The following TMEFF1 variants were observed in gnomAD, a reference collection of about 807,000 sequenced individuals.
TMEFF1 encodes tomoregulin-1.
TMEFF1 carries 20 observed loss-of-function variants against 47.5 expected under a neutral mutation model. The ratio of observed to expected loss-of-function variants is 0.42; its 90% CI spans 0.30 to 0.61. The LOEUF is 0.61. TMEFF1 is among the 20% of genes least tolerant of loss of function. TMEFF1 has a pLI of 0.19. For synonymous variants in TMEFF1, 162 were observed against 166.3 expected (o/e 0.97, Z 0.20); for missense variants, 411 against 471.1 (o/e 0.87, Z 1.18).
chr9:100,532,783 G>T (rs1425975902), intron 5 of TMEFF1, among the ~76,000 whole-genome samples: 2 of 152,022 alleles, frequency 1.3e-5, no homozygotes, highest in African/African-American at 4.8e-5. Flanking sequence ...AAAGACACAT[G>T]CACACGTATG....
At chr9:100,490,731 C>A in intron 1 of TMEFF1, among the ~76,000 whole-genome samples, 1 of 149,812 alleles carries the variant, frequency 6.7e-6, no homozygotes. Flanking sequence ...AAATAATAAC[C>A]AATATAGAAA....
intron 5 of TMEFF1, among the ~76,000 whole-genome samples, chr9:100,545,198 C>T (rs1838709194): frequency 6.6e-6 from 1 of 152,230 alleles, no homozygotes; most frequent in South Asian, 2.1e-4. Context: ...CCACATTTCC[C>T]TTCCACGCTG....
intron 1 of TMEFF1, among the ~76,000 whole-genome samples, chr9:100,492,457 G>T (rs746367252): frequency 6.6e-6 from 1 of 152,186 alleles, no homozygotes; most frequent in Non-Finnish European, 1.5e-5. Flanking sequence ...AGCTACCTTG[G>T]TTGGAGCTAA....
chr9:100,532,506 A>G (rs972390729), intron 5 of TMEFF1, among the ~76,000 whole-genome samples: 338 of 152,312 alleles, frequency 2.2e-3, no homozygotes, highest in African/African-American at 7.7e-3. Flanking sequence ...ATCACTGGCC[A>G]TCAGAGAAAT....
At chr9:100,517,937 G>C (rs970788384) in intron 5 of TMEFF1, among the ~76,000 whole-genome samples, 9 of 152,116 alleles carry the variant, frequency 5.9e-5, no homozygotes, top group Non-Finnish European at 1.0e-4. Flanking sequence ...AGGTATATGT[G>C]TCAGTATTTT....
chr9:100,566,963 C>G (rs1839138268), intron 8 of TMEFF1, among the ~76,000 whole-genome samples: 1 of 152,144 alleles, frequency 6.6e-6, no homozygotes, highest in Non-Finnish European at 1.5e-5. Flanking sequence ...GTTGCGCAGG[C>G]TGGTCTCGAA....
chr9:100,481,220 T>A (rs942386677), intron 1 of TMEFF1, among the ~76,000 whole-genome samples: 1 of 149,208 alleles, frequency 6.7e-6, no homozygotes, highest in African/African-American at 2.5e-5. Context: ...TGTGACATAC[T>A]ATACGTTTTA....
intron 7 of TMEFF1, among the ~76,000 whole-genome samples, chr9:100,560,056 T>A (rs1422419296): frequency 6.6e-6 from 1 of 152,162 alleles, no homozygotes; most frequent in Non-Finnish European, 1.5e-5. Flanking sequence ...CCCTTGATCT[T>A]CCTCTTGATC....
At chr9:100,492,122 G>A (rs780771259) in intron 1 of TMEFF1, among the ~76,000 whole-genome samples, 3 of 152,192 alleles carry the variant, frequency 2.0e-5, no homozygotes, top group Admixed American at 6.5e-5. Context: ...TTGACCTCAT[G>A]ATCTGCCCGC....
At chr9:100,474,994 A>G (rs1371512158) in intron 1 of TMEFF1, among the ~76,000 whole-genome samples, 1 of 152,172 alleles carries the variant, frequency 6.6e-6, no homozygotes, top group Non-Finnish European at 1.5e-5. Context: ...GGCCTAGCAG[A>G]TGCTAGTGAT....
intron 5 of TMEFF1, among the ~76,000 whole-genome samples, chr9:100,522,939 C>T (rs984460427): frequency 2.0e-5 from 3 of 152,092 alleles, no homozygotes; most frequent in Non-Finnish European, 2.9e-5. Context: ...GGGGTTTCAC[C>T]GTGTTAACCA....
intron 5 of TMEFF1, among the ~76,000 whole-genome samples, chr9:100,545,331 T>C (rs922058778): frequency 1.3e-5 from 2 of 152,220 alleles, no homozygotes. Flanking sequence ...TCTTGACTTC[T>C]CTGTACCTGC....
At chr9:100,518,538 C>T (rs1251064432) in intron 5 of TMEFF1, 3 of 981,158 alleles carry the variant, frequency 3.1e-6, no homozygotes, top group Admixed American at 6.2e-5. Context: ...AAGCAGCCAA[C>T]GTCAGGCAAG....
At chr9:100,507,974 A>G (rs955166327) in intron 2 of TMEFF1, among the ~76,000 whole-genome samples, 2 of 152,200 alleles carry the variant, frequency 1.3e-5, no homozygotes, top group African/African-American at 4.8e-5. Context: ...ATGTTACCCC[A>G]AAGTAGAACC....
intron 7 of TMEFF1, among the ~76,000 whole-genome samples, chr9:100,552,473 TG>T (rs1158111727): frequency 6.6e-6 from 1 of 152,108 alleles, no homozygotes; most frequent in African/African-American, 2.4e-5. Flanking sequence ...GAGGAGTTGA[TG>T]GTGGAGATGA....
At chr9:100,563,669 T>C (rs189703572) in intron 8 of TMEFF1, among the ~76,000 whole-genome samples, 46 of 152,370 alleles carry the variant, frequency 3.0e-4, no homozygotes, top group African/African-American at 1.1e-3. Context: ...GTATGTAGTA[T>C]GTACTTAATG....
At chr9:100,483,866 A>G (rs185491576) in intron 1 of TMEFF1, among the ~76,000 whole-genome samples, 331 of 151,856 alleles carry the variant, frequency 2.2e-3, no homozygotes, top group Middle Eastern at 0.01. Flanking sequence ...TTTTAGTTCC[A>G]TACTTTAAAT....
intron 7 of TMEFF1, among the ~76,000 whole-genome samples, chr9:100,556,503 G>A (rs139363503): frequency 8.4e-4 from 128 of 152,244 alleles, no homozygotes; most frequent in African/African-American, 2.5e-3. Context: ...TAAAAATAAA[G>A]GATTGGTTAA....
chr9:100,516,047 G>A (rs916209925), intron 4 of TMEFF1, among the ~76,000 whole-genome samples: 4 of 151,810 alleles, frequency 2.6e-5, no homozygotes, highest in South Asian at 4.2e-4. Flanking sequence ...TTTCTTTTGC[G>A]TTGGAGCATA....
Sources: allele counts gnomAD v4.1 joint callset (sites outside exome capture counted in the v4.1 genomes callset), GRCh38; gene constraint gnomAD v4.1.1; transcripts MANE v1.5; gene names NCBI Gene and HGNC (gene_info 2026-07-23, HGNC 2026-07-21).